Variants in GPBP1L1 observed in about 807,000 individuals in gnomAD.
GPBP1L1 encodes GC-rich promoter binding protein 1 like 1, also known as vasculin-like protein 1.
Under a neutral mutation model 52.5 loss-of-function variants are expected in GPBP1L1, and 23 were observed. The ratio of observed to expected loss-of-function variants is 0.44; its 90% CI spans 0.32 to 0.62. The LOEUF is 0.62. GPBP1L1 is among the 20% of genes least tolerant of loss of function. The probability of loss-of-function intolerance (pLI) is 0.06; values close to 1 mark genes in which losing one functional copy is unlikely to be tolerated. For missense variants in GPBP1L1, 596 were observed against 579.3 expected, an observed-to-expected ratio of 1.03 and a Z score of -0.30; for synonymous variants, 243 against 203.1, an observed-to-expected ratio of 1.20 and a Z score of -1.67.
chr1:45,630,936 A>G (rs998737655), intron 10 of GPBP1L1, among the ~76,000 whole-genome samples: 9 of 152,218 alleles, frequency 5.9e-5, no homozygotes, highest in Non-Finnish European at 1.2e-4. Flanking sequence ...GTGTGGGGGG[A>G]AAAAGTGTGG....
At chr1:45,672,424 C>T (rs983534414) in intron 2 of GPBP1L1, among the ~76,000 whole-genome samples, 1 of 151,834 alleles carries the variant, frequency 6.6e-6, no homozygotes, top group Non-Finnish European at 1.5e-5. Context: ...CTTTAAATGG[C>T]TGTTTACTGC....
intron 2 of GPBP1L1, among the ~76,000 whole-genome samples, chr1:45,676,698 G>A (rs1291410162): frequency 1.6e-5 from 2 of 127,998 alleles, no homozygotes; most frequent in Admixed American, 8.9e-5. Context: ...CAACAAGAGC[G>A]AAACTCTGTC....
rs1464625651 is a variant in GPBP1L1 at position 45,660,221 on chromosome 1, G to T, written c.-93C>A. The T allele has an allele frequency of 4.1e-6, 4 of 985,176 alleles. No homozygotes were observed. The highest frequency in any genetic ancestry group is 4.8e-6 in the Non-Finnish European group (4 of 829,894). The allele number at this position is 985,176 out of a possible 1,614,324, so 61.0% of individuals were successfully genotyped here. A position where few individuals can be genotyped will look rare whatever the true frequency, so the allele number is the denominator to read the frequency against. ...CCTCTGTGGTCCTGTTTCTGAACTC[G>T]AGTCGGCCAGCTGGATCTCCCACAA... On this transcript the variant is annotated 5_prime_UTR_variant, in exon 3 of 13. Transcript: ENST00000355105.
At chr1:45,667,103 G>T (rs566955587) in intron 2 of GPBP1L1, among the ~76,000 whole-genome samples, 1 of 152,156 alleles carries the variant, frequency 6.6e-6, no homozygotes, top group African/African-American at 2.4e-5. Flanking sequence ...AAAGGTTCTG[G>T]AACTACATAG....
intron 12 of GPBP1L1, 122 bp downstream of exon 12, chr1:45,629,454 T>TTTCCCCCCCCCCC: frequency 8.7e-6 from 1 of 115,396 alleles, no homozygotes; most frequent in South Asian, 9.7e-5. Context: ...ACTAAGGTAA[T>TTTCCCCCCCCCCC]CCCCCCCCCC....
intron 1 of GPBP1L1, 22 bp downstream of exon 1, chr1:45,686,390 C>G (rs1645285348): frequency 6.6e-6 from 1 of 152,408 alleles, no homozygotes; most frequent in African/African-American, 2.4e-5. Flanking sequence ...CCTACTGCCC[C>G]GTTTCCCAAA....
At chr1:45,685,269 T>C (rs541817548) in intron 2 of GPBP1L1, among the ~76,000 whole-genome samples, 1 of 152,318 alleles carries the variant, frequency 6.6e-6, no homozygotes, top group Non-Finnish European at 1.5e-5. Flanking sequence ...AAATTACAAA[T>C]ATAAGTCTAA....
At chr1:45,629,458 C>CA (rs113420988) in intron 12 of GPBP1L1, 118 bp downstream of exon 12, 8 of 126,848 alleles carry the variant, frequency 6.3e-5, no homozygotes, top group South Asian at 1.9e-4. Context: ...AGGTAATCCC[C>CA]CCCCCCCCCA....
At chr1:45,672,850 A>G (rs1458681913) in intron 2 of GPBP1L1, among the ~76,000 whole-genome samples, 1 of 152,252 alleles carries the variant, frequency 6.6e-6, no homozygotes, top group African/African-American at 2.4e-5. Flanking sequence ...CTGAGAACTC[A>G]TCACTGGATT....
At chr1:45,635,534 A>G (rs931067244) in intron 8 of GPBP1L1, 2 of 152,186 alleles carry the variant, frequency 1.3e-5, no homozygotes, top group African/African-American at 4.8e-5. Context: ...CAGAATATCT[A>G]TGTCTGTGCC....
Position 45,660,411 on chromosome 1 carries a change from G to A in GPBP1L1, c.-283C>T. The A allele has an allele frequency of 3.1e-6, 3 of 981,260 alleles. No individual in the cohort carries two copies. The highest frequency in any genetic ancestry group is 1.7e-5 in the African/African-American group (1 of 57,226). The allele number at this position is 981,260 out of a possible 1,614,324, so 60.8% of individuals were successfully genotyped here. A position where few individuals can be genotyped will look rare whatever the true frequency, so the allele number is the denominator to read the frequency against. ...TTTCCAAAAGGGGAAAGGGGAAAAG[G>A]GGAAGGGGGGAAGGGGAACATAAAA... is the stretch of plus-strand genomic sequence containing the variant. On this transcript the variant is annotated 5_prime_UTR_variant, in exon 3 of 13. Coordinates refer to ENST00000355105, the MANE Select transcript of GPBP1L1 (RefSeq NM_021639.5).
intron 6 of GPBP1L1, chr1:45,646,239 G>A (rs780313058): frequency 4.6e-5 from 11 of 240,534 alleles, no homozygotes; most frequent in South Asian, 1.8e-4. Flanking sequence ...AATATTCCAA[G>A]TACTTACACA....
At chr1:45,628,476 T>C (rs933531438) in intron 12 of GPBP1L1, 68 bp from the exon 13 acceptor site, 2 of 1,486,850 alleles carry the variant, frequency 1.3e-6, no homozygotes, top group Non-Finnish European at 1.8e-6. Context: ...CCATAAGCCC[T>C]GGGAAAGGCC....
intron 8 of GPBP1L1, chr1:45,635,301 A>G (rs1644580023): frequency 6.6e-6 from 1 of 152,158 alleles, no homozygotes; most frequent in South Asian, 2.1e-4. Context: ...GCAAGCAGAT[A>G]AGAGAAACGA....
intron 2 of GPBP1L1, among the ~76,000 whole-genome samples, chr1:45,664,179 G>A (rs1010074594): frequency 3.3e-5 from 5 of 152,184 alleles, no homozygotes; most frequent in Non-Finnish European, 5.9e-5. Context: ...AATTAGCTGG[G>A]CATGGTGGCA....
chr1:45,634,789 C>G (rs896237455), intron 8 of GPBP1L1: 1 of 152,538 alleles, frequency 6.6e-6, no homozygotes, highest in South Asian at 2.1e-4. Context: ...TCTGGAGGCC[C>G]GTCTACTCAA....
intron 2 of GPBP1L1, among the ~76,000 whole-genome samples, chr1:45,678,219 G>A (rs1198469271): frequency 6.6e-6 from 1 of 152,172 alleles, no homozygotes; most frequent in Non-Finnish European, 1.5e-5. Context: ...ACAATTAGTA[G>A]CAATGGTTGT....
intron 6 of GPBP1L1, among the ~76,000 whole-genome samples, chr1:45,649,297 A>G (rs1038720731): frequency 2.0e-5 from 3 of 152,208 alleles, no homozygotes; most frequent in African/African-American, 7.2e-5. Context: ...ACACTTATAC[A>G]TACTATTATC....
chr1:45,632,670 C>T (rs1191302753), intron 10 of GPBP1L1, among the ~76,000 whole-genome samples: 2 of 152,108 alleles, frequency 1.3e-5, no homozygotes, highest in Admixed American at 6.5e-5. Flanking sequence ...GAGCCCAGAT[C>T]GTGCCACTGC....
Sources: allele counts gnomAD v4.1 joint callset (sites outside exome capture counted in the v4.1 genomes callset), GRCh38; gene constraint gnomAD v4.1.1; transcripts MANE v1.5; gene names NCBI Gene and HGNC (gene_info 2026-07-23, HGNC 2026-07-21).